NMNAT2: variants seen among roughly 807,000 people sequenced by gnomAD.
The protein encoded by NMNAT2 is nicotinamide nucleotide adenylyltransferase 2, also known as nicotinamide/nicotinic acid mononucleotide adenylyltransferase 2.
NMNAT2 carries 11 observed loss-of-function variants against 41.6 expected under a neutral mutation model. The observed-to-expected ratio is 0.26, with a 90% CI of 0.17 to 0.44. NMNAT2 has a LOEUF of 0.44. Among genes scored for constraint, NMNAT2 ranks in the 20% least tolerant of loss-of-function variants. NMNAT2 has a pLI of 1.00. For synonymous variants in NMNAT2, 148 were observed against 151.2 expected, an observed-to-expected ratio of 0.98 and a Z score of 0.16; for missense variants, 288 against 407.7, an observed-to-expected ratio of 0.71 and a Z score of 2.53.
intron 1 of NMNAT2, among the ~76,000 whole-genome samples, chr1:183,369,994 C>A (rs1226214664): frequency 5.3e-5 from 8 of 151,996 alleles, no homozygotes; most frequent in Admixed American, 3.3e-4. Context: ...GGCTCTGGAG[C>A]CCGCTAGGTC....
chr1:183,269,432 C>T lies in NMNAT2; in HGVS notation c.652-8129G>A, dbSNP rs554790055. Among the ~76,000 whole-genome samples the T allele has an allele frequency of 5.3e-5, 8 of 152,242 alleles. No individual in the cohort carries two copies. The South Asian group carries it at 8.3e-4, about 16-fold the overall frequency. Reference sequence around the variant, plus strand: ...ATGTATGTGGATTTGCCCTGGCAGGCTTAACTGGCAAGATCCTCTGCAGGG... The same window carrying T: ...ATGTATGTGGATTTGCCCTGGCAGGTTTAACTGGCAAGATCCTCTGCAGGG... On this transcript the variant is annotated intron_variant, in intron 8 of 10. Coordinates refer to ENST00000287713, the MANE Select transcript of NMNAT2 (RefSeq NM_015039.4).
intron 1 of NMNAT2, among the ~76,000 whole-genome samples, chr1:183,311,300 A>G (rs1484189753): frequency 6.6e-6 from 1 of 152,202 alleles, no homozygotes; most frequent in Non-Finnish European, 1.5e-5. Flanking sequence ...CCAAAGATCA[A>G]GAAAGCCTCT....
At chr1:183,412,065 G>C (rs1161231579) in intron 1 of NMNAT2, among the ~76,000 whole-genome samples, 1 of 152,212 alleles carries the variant, frequency 6.6e-6, no homozygotes, top group African/African-American at 2.4e-5. Flanking sequence ...CGTTAGGGTG[G>C]AGGTGGGGGG....
intron 5 of NMNAT2, 95 bp from the exon 6 acceptor site, chr1:183,284,885 T>A: frequency 1.0e-6 from 1 of 966,696 alleles, no homozygotes; most frequent in South Asian, 1.3e-5. Flanking sequence ...GCTGTAAACA[T>A]CAGGGTGCAT....
Position 183,261,223 on chromosome 1 carries a change from G to C in NMNAT2, c.732C>G (p.Ser244=). The C allele has an allele frequency of 6.2e-7, 1 of 1,614,146 alleles. No individual in the cohort carries two copies. The highest frequency in any genetic ancestry group is 8.5e-7 in the Non-Finnish European group (1 of 1,180,010). The part of the protein sequence containing the change: ...AADTDRIMNH[S]SILRKYKNNI... ...TCACTTTGTATTTGCGGAGTATTGA[G>C]GAGTGATTCATGATTCGGTCTGTGT... The change falls in exon 9 of 11, where the codon TCC becomes TCG. Residue 244 remains serine, a synonymous_variant. Coordinates refer to ENST00000287713, the MANE Select transcript of NMNAT2 (RefSeq NM_015039.4).
intron 8 of NMNAT2, among the ~76,000 whole-genome samples, chr1:183,265,383 C>G (rs567443042): frequency 1.3e-5 from 2 of 148,838 alleles, no homozygotes; most frequent in East Asian, 4.1e-4. Flanking sequence ...TCTCCTGCCT[C>G]AGTCTCCTAA....
chr1:183,405,805 C>T (rs901476231), intron 1 of NMNAT2, among the ~76,000 whole-genome samples: 4 of 152,154 alleles, frequency 2.6e-5, no homozygotes, highest in East Asian at 1.9e-4. Flanking sequence ...AATTCAGAAA[C>T]GCTTAGTCTC....
intron 1 of NMNAT2, among the ~76,000 whole-genome samples, chr1:183,320,724 T>G (rs1248436991): frequency 6.6e-6 from 1 of 152,224 alleles, no homozygotes; most frequent in African/African-American, 2.4e-5. Flanking sequence ...TACACCAACA[T>G]TCACAGAAGT....
intron 1 of NMNAT2, among the ~76,000 whole-genome samples, chr1:183,392,157 A>T (rs1292211770): frequency 6.6e-6 from 1 of 152,214 alleles, no homozygotes; most frequent in African/African-American, 2.4e-5. Context: ...TCCTTTCAGA[A>T]GCAACATGTC....
chr1:183,283,893 C>T (rs1049620778), intron 7 of NMNAT2, 102 bp downstream of exon 7: 1 of 1,127,624 alleles, frequency 8.9e-7, no homozygotes, highest in African/African-American at 1.5e-5. Flanking sequence ...TGCTGCAAAA[C>T]AGTCCCTGGG....
intron 1 of NMNAT2, among the ~76,000 whole-genome samples, chr1:183,351,248 C>T (rs1049278775): frequency 6.6e-6 from 1 of 152,334 alleles, no homozygotes; most frequent in East Asian, 1.9e-4. Context: ...GATACTCTGA[C>T]GAAGTGCATG....
At chr1:183,298,931 G>T (rs1321896319) in intron 1 of NMNAT2, among the ~76,000 whole-genome samples, 1 of 152,202 alleles carries the variant, frequency 6.6e-6, no homozygotes, top group African/African-American at 2.4e-5. Context: ...TCTAAAATGT[G>T]TATGGAAAGT....
chr1:183,300,804 T>C (rs1181317218), intron 1 of NMNAT2, among the ~76,000 whole-genome samples: 1 of 152,256 alleles, frequency 6.6e-6, no homozygotes, highest in Admixed American at 6.5e-5. Flanking sequence ...TGAAACTTTA[T>C]TTCTGTTCAT....
In NMNAT2 at chr1:183,284,761, G is replaced by T. The variant is rs1321352608; in HGVS notation, c.478C>A (p.Leu160Ile). 1 of 1,614,126 alleles carries T rather than the reference G, an allele frequency of 6.2e-7. No individual in the cohort carries two copies. The highest frequency in any genetic ancestry group is 8.5e-7 in the Non-Finnish European group (1 of 1,180,008). The stretch of plus-strand genomic sequence containing the variant: ...GGGCGGACACAGCAGATCCGGCTGA[G>T]GCTTTCTCCCACCTTCCCCAAGATC... ...AKILGKVGES[L>I]SRICCVRPPV... The change falls in exon 6 of 11, where the codon CTC becomes ATC. Residue 160 changes from leucine (L) to isoleucine (I), a missense_variant. Physicochemically the swap from Leu to Ile is conservative, Grantham distance 5. This residue lies in a region of NMNAT2 where 181 missense variants were observed against 213.7 expected (regional missense o/e 0.85). Transcript: ENST00000287713.
chr1:183,295,604 T>C (rs915835859), intron 1 of NMNAT2, among the ~76,000 whole-genome samples: 1 of 152,178 alleles, frequency 6.6e-6, no homozygotes, highest in African/African-American at 2.4e-5. Flanking sequence ...GACAATTGTA[T>C]CCTTCATTAT....
intron 1 of NMNAT2, among the ~76,000 whole-genome samples, chr1:183,375,429 G>C (rs1183324651): frequency 2.0e-5 from 3 of 152,120 alleles, no homozygotes; most frequent in African/African-American, 7.2e-5. Flanking sequence ...TCCTGAGCCT[G>C]ACTTGCGCTT....
intron 1 of NMNAT2, among the ~76,000 whole-genome samples, chr1:183,319,895 T>A (rs965877652): frequency 1.3e-5 from 2 of 152,208 alleles, no homozygotes; most frequent in African/African-American, 4.8e-5. Flanking sequence ...CATTCCCGTT[T>A]TTCTGGACTT....
intron 1 of NMNAT2, among the ~76,000 whole-genome samples, chr1:183,370,621 G>T (rs1465767284): frequency 6.6e-6 from 1 of 152,184 alleles, no homozygotes; most frequent in Non-Finnish European, 1.5e-5. Flanking sequence ...GGTGTGCTCG[G>T]GCACAAGGAA....
At chr1:183,412,668 G>A (rs192244679) in intron 1 of NMNAT2, among the ~76,000 whole-genome samples, 2 of 152,346 alleles carry the variant, frequency 1.3e-5, no homozygotes, top group South Asian at 2.1e-4. Context: ...GAGGTTGTTG[G>A]TCTTAGTTAT....
Sources: gnomAD v4.1 joint callset for allele counts (sites outside exome capture counted in the v4.1 genomes callset) on GRCh38, gnomAD v4.1.1 for gene constraint, gnomAD v4.1.1 regional missense constraint, MANE v1.5 for transcripts, NCBI Gene and HGNC (gene_info 2026-07-23, HGNC 2026-07-21) for gene names.